The following RBPJ variants were observed in gnomAD, a reference collection of about 807,000 sequenced individuals.
The protein encoded by RBPJ is recombining binding protein suppressor of hairless.
Under a neutral mutation model 67.8 loss-of-function variants are expected in RBPJ, and 9 were observed. The observed-to-expected ratio is 0.13, with a 90% CI of 0.08 to 0.23. The LOEUF is 0.23. Ranked by LOEUF, RBPJ falls within the 10% of genes least tolerant of loss-of-function variation. The probability of loss-of-function intolerance (pLI) is 1.00; values close to 1 mark genes in which losing one functional copy is unlikely to be tolerated. For synonymous variants in RBPJ, 198 were observed against 203.3 expected (o/e 0.97, Z 0.22); for missense variants, 305 against 595.6 (o/e 0.51, Z 5.08).
rs542218784 is a variant in RBPJ, at chr4:26,346,721, G to A, written c.20+25673G>A. ...CAGGCTGTATTGGCCGGGCGCTGCG[G>A]CTCAGGACTCCTGTAATCCCAGCAC... is the stretch of plus-strand genomic sequence containing the variant. On this transcript the variant is annotated intron_variant, in intron 1 of 10. Coordinates refer to ENST00000355476, the MANE Select transcript of RBPJ (RefSeq NM_015874.6). Among the ~76,000 whole-genome samples the A allele has an allele frequency of 1.3e-4, 20 of 152,320 alleles. No homozygotes were observed. The East Asian group carries it at 3.3e-3, about 25-fold the overall frequency.
At chr4:26,362,633 G>A in intron 1 of RBPJ, 1 of 1,613,604 alleles carries the variant, frequency 6.2e-7, no homozygotes, top group Non-Finnish European at 8.5e-7. Flanking sequence ...TAAAAGGTAT[G>A]CTTTAGAAAT....
chr4:26,287,747 G>A (rs1721530766), intron 1 of RBPJ, among the ~76,000 whole-genome samples: 2 of 147,532 alleles, frequency 1.4e-5, no homozygotes, highest in African/African-American at 5.0e-5. Flanking sequence ...AGGGAGGAAG[G>A]CAGGAAGGCA....
intron 2 of RBPJ, among the ~76,000 whole-genome samples, chr4:26,387,094 A>T (rs576890279): frequency 2.6e-5 from 4 of 152,308 alleles, no homozygotes; most frequent in African/African-American, 9.6e-5. Flanking sequence ...TTTTCACGCC[A>T]CTTAACAGTA....
At chr4:26,349,042 A>T (rs574427802) in intron 1 of RBPJ, among the ~76,000 whole-genome samples, 1 of 151,758 alleles carries the variant, frequency 6.6e-6, no homozygotes, top group East Asian at 2.0e-4. Context: ...TTAAAAGTTA[A>T]TGGCAGGAAC....
At chr4:26,223,154 CA>C (rs549173084) in intron 1 of RBPJ, among the ~76,000 whole-genome samples, 1,590 of 99,602 alleles carry the variant, frequency 0.016, 13 homozygotes, top group African/African-American at 0.034. Context: ...GACACTGTCT[CA>C]AAAAAAAAAA....
At chr4:26,107,696 G>A in the RBPJ span, among the ~76,000 whole-genome samples, 12 of 152,270 alleles carry the variant, frequency 7.9e-5, no homozygotes, top group East Asian at 3.9e-4. Context: ...TCAGAAGTTC[G>A]AGACCAGCCT....
At chr4:26,235,163 T>A (rs551405070) in intron 1 of RBPJ, among the ~76,000 whole-genome samples, 101 of 152,332 alleles carry the variant, frequency 6.6e-4, no homozygotes, top group African/African-American at 2.4e-3. Context: ...CTAATATGTA[T>A]GTCAGACTAC....
chr4:26,327,433 T>C (rs1462998764), intron 1 of RBPJ, among the ~76,000 whole-genome samples: 2 of 151,718 alleles, frequency 1.3e-5, no homozygotes, highest in South Asian at 2.1e-4. Flanking sequence ...AAATAAAATA[T>C]AGAAAACACA....
chr4:26,283,723 T>C (rs1419764639), intron 1 of RBPJ, among the ~76,000 whole-genome samples: 1 of 150,862 alleles, frequency 6.6e-6, no homozygotes, highest in Admixed American at 6.6e-5. Context: ...CTCAGCTCAC[T>C]GCAACCTCCA....
At chr4:26,388,727 G>A (rs1263498825) in intron 2 of RBPJ, among the ~76,000 whole-genome samples, 1 of 152,104 alleles carries the variant, frequency 6.6e-6, no homozygotes, top group Non-Finnish European at 1.5e-5. Context: ...TAAACATGAA[G>A]ACATAGCAAT....
At chr4:26,175,224 A>G (rs1716752093) in intron 1 of RBPJ, among the ~76,000 whole-genome samples, 1 of 152,206 alleles carries the variant, frequency 6.6e-6, no homozygotes, top group Non-Finnish European at 1.5e-5. Context: ...AGCCGACGAC[A>G]GCTGAGCTCC....
At chr4:26,357,801 C>T (rs183478051) in intron 1 of RBPJ, among the ~76,000 whole-genome samples, 78 of 152,240 alleles carry the variant, frequency 5.1e-4, no homozygotes, top group Admixed American at 5.1e-3. Context: ...CTAGGCACTT[C>T]ATGTAAGTGG....
the RBPJ span, among the ~76,000 whole-genome samples, chr4:26,109,336 C>T: frequency 6.7e-6 from 1 of 149,144 alleles, no homozygotes; most frequent in Non-Finnish European, 1.5e-5. Context: ...GAACTCCTGA[C>T]CTCAAGTGAT....
chr4:26,346,920 A>G (rs1726212385), intron 1 of RBPJ, among the ~76,000 whole-genome samples: 1 of 151,900 alleles, frequency 6.6e-6, no homozygotes, highest in African/African-American at 2.4e-5. Flanking sequence ...TGAACCCGGG[A>G]GGCGGAGGTT....
upstream of RBPJ, chr4:26,319,711 T>C (rs1041818272): frequency 1.1e-5 from 8 of 714,512 alleles, no homozygotes; most frequent in African/African-American, 3.5e-5. Context: ...ACTGCCCGCA[T>C]TGGGTACATG....
chr4:26,282,827 C>CATGT (rs1241157980), intron 1 of RBPJ, among the ~76,000 whole-genome samples: 2 of 148,326 alleles, frequency 1.3e-5, no homozygotes, highest in East Asian at 4.1e-4. Context: ...GGCGGAGCTT[C>CATGT]ATGTATTTCA....
At chr4:26,141,235 T>G in the RBPJ span, among the ~76,000 whole-genome samples, 2 of 152,252 alleles carry the variant, frequency 1.3e-5, no homozygotes, top group Non-Finnish European at 2.9e-5. Context: ...GCAGTTGTTA[T>G]TCATGCGTGG....
intron 1 of RBPJ, among the ~76,000 whole-genome samples, chr4:26,197,791 T>C (rs554532109): frequency 6.7e-6 from 1 of 150,064 alleles, no homozygotes; most frequent in Non-Finnish European, 1.5e-5. Flanking sequence ...AAAGAGAGAA[T>C]AGGTAAAGGA....
intron 1 of RBPJ, among the ~76,000 whole-genome samples, chr4:26,192,799 T>C (rs1287558700): frequency 2.0e-5 from 3 of 152,122 alleles, no homozygotes; most frequent in Non-Finnish European, 4.4e-5. Flanking sequence ...ACAATCACCA[T>C]AATAGGCAGG....
Sources: allele counts gnomAD v4.1 joint callset (sites outside exome capture counted in the v4.1 genomes callset), GRCh38; gene constraint gnomAD v4.1.1; transcripts MANE v1.5; gene names NCBI Gene and HGNC (gene_info 2026-07-23, HGNC 2026-07-21).